Variants in ASAP1 observed in about 807,000 individuals in gnomAD.
ASAP1 encodes ArfGAP with SH3 domain, ankyrin repeat and PH domain 1.
In ASAP1, 43 loss-of-function variants were observed where a neutral mutation model predicts 145.2. The ratio of observed to expected loss-of-function variants is 0.30; its 90% CI spans 0.23 to 0.38. ASAP1 has a LOEUF of 0.38. Among genes scored for constraint, ASAP1 ranks in the 10% least tolerant of loss-of-function variants. The pLI, the probability that ASAP1 is intolerant of heterozygous loss-of-function variation, is 1.00. For missense variants in ASAP1, 1,018 were observed against 1,355.3 expected, an observed-to-expected ratio of 0.75 and a Z score of 3.91; for synonymous variants, 546 against 515.5, an observed-to-expected ratio of 1.06 and a Z score of -0.80.
chr8:130,343,430 C>T (rs1241316648), intron 3 of ASAP1, among the ~76,000 whole-genome samples: 1 of 152,204 alleles, frequency 6.6e-6, no homozygotes, highest in East Asian at 1.9e-4. Context: ...AATGCACCAA[C>T]ACACACAAGG....
At chr8:130,055,148 G>A (rs147918109) in intron 29 of ASAP1, among the ~76,000 whole-genome samples, 35 of 152,272 alleles carry the variant, frequency 2.3e-4, no homozygotes, top group African/African-American at 6.5e-4. Flanking sequence ...TCCCACAGGC[G>A]TGGGGCTCTA....
chr8:130,428,010 C>T (rs1264397369), intron 1 of ASAP1, among the ~76,000 whole-genome samples: 3 of 152,150 alleles, frequency 2.0e-5, no homozygotes, highest in Admixed American at 6.5e-5. Flanking sequence ...ACCACATCAA[C>T]CTCTTCTCCA....
intron 3 of ASAP1, among the ~76,000 whole-genome samples, chr8:130,308,957 C>T (rs141424058): frequency 6.6e-6 from 1 of 152,236 alleles, no homozygotes; most frequent in African/African-American, 2.4e-5. Context: ...ACAACTATCA[C>T]GGGCAGTTGA....
chr8:130,183,605 G>A (rs1262216795), intron 7 of ASAP1, among the ~76,000 whole-genome samples: 1 of 152,122 alleles, frequency 6.6e-6, no homozygotes, highest in East Asian at 1.9e-4. Context: ...GTTTCCCAAA[G>A]TGCTGGGACC....
At chr8:130,175,977 T>C (rs1813922893) in intron 9 of ASAP1, among the ~76,000 whole-genome samples, 1 of 152,180 alleles carries the variant, frequency 6.6e-6, no homozygotes, top group South Asian at 2.1e-4. Flanking sequence ...ATGACACTTG[T>C]GAGGAGGTAA....
In ASAP1 at chr8:130,256,403, G is replaced by GT. The variant is rs1420849359; in HGVS notation, c.187-19410_187-19409insA. ...GGGGAATACATCTGCAGAGGATCTG[G>GT]GGGGTGGGGGGCGGTGGGGGAACTT... On this transcript the variant is annotated intron_variant, in intron 3 of 29. Coordinates refer to ENST00000518721, the MANE Select transcript of ASAP1 (RefSeq NM_018482.4). Among the ~76,000 whole-genome samples, 448 of 151,420 alleles carry GT rather than the reference G, an allele frequency of 3.0e-3. 3 individuals are homozygous for GT. Among genetic ancestry groups the GT allele is most frequent in the African/African-American group, 9.2e-3 (379 of 41,186 alleles).
intron 3 of ASAP1, among the ~76,000 whole-genome samples, chr8:130,319,373 C>T (rs530785983): frequency 4.6e-4 from 70 of 152,302 alleles, no homozygotes; most frequent in Non-Finnish European, 7.6e-4. Flanking sequence ...GACAGACTGT[C>T]GTATTAGTGA....
chr8:130,066,562 C>CTTTCTTTCTTT (rs1480181870), intron 27 of ASAP1, among the ~76,000 whole-genome samples: 1 of 151,434 alleles, frequency 6.6e-6, no homozygotes, highest in African/African-American at 2.4e-5. Context: ...CTTTCTCATT[C>CTTTCTTTCTTT]TTTCTTTCTT....
At chr8:130,105,105 T>C (rs924600243) in intron 24 of ASAP1, among the ~76,000 whole-genome samples, 1 of 152,202 alleles carries the variant, frequency 6.6e-6, no homozygotes, top group African/African-American at 2.4e-5. Flanking sequence ...TGTTTTAAAA[T>C]ATGTATACAG....
chr8:130,122,018 T>C (rs562938795), intron 18 of ASAP1, among the ~76,000 whole-genome samples: 1 of 152,120 alleles, frequency 6.6e-6, no homozygotes, highest in South Asian at 2.1e-4. Flanking sequence ...AAATATGCCT[T>C]ACTGCCCCTT....
chr8:130,359,918 CG>C (rs1208780306), intron 2 of ASAP1, among the ~76,000 whole-genome samples: 1 of 152,246 alleles, frequency 6.6e-6, no homozygotes, highest in African/African-American at 2.4e-5. Flanking sequence ...CCACCGCGCC[CG>C]GCCCATCTTG....
intron 5 of ASAP1, among the ~76,000 whole-genome samples, chr8:130,190,372 A>T (rs1815055744): frequency 6.6e-6 from 1 of 151,996 alleles, no homozygotes; most frequent in African/African-American, 2.4e-5. Context: ...CTAAATATGG[A>T]TATCCAATTT....
intron 24 of ASAP1, among the ~76,000 whole-genome samples, chr8:130,097,762 ACTCT>A (rs35496476): frequency 6.6e-6 from 1 of 151,600 alleles, no homozygotes; most frequent in Admixed American, 6.6e-5. Context: ...ATCTCCTGAG[ACTCT>A]CTCCCAGGAA....
intron 4 of ASAP1, among the ~76,000 whole-genome samples, chr8:130,232,691 A>C (rs990053423): frequency 6.6e-6 from 1 of 152,188 alleles, no homozygotes; most frequent in Non-Finnish European, 1.5e-5. Flanking sequence ...TTTATGTGTA[A>C]AAATAATACA....
Position 130,274,152 on chromosome 8 carries a change from T to C in ASAP1, c.187-37158A>G, listed in dbSNP as rs118184990. ...ATTTTTCATTCTTCTCATACTAATG[T>C]ATACCTCCCTGCCTGCATTGCTTTC... On this transcript the variant is annotated intron_variant, in intron 3 of 29. Transcript: ENST00000518721. Among the ~76,000 whole-genome samples the C allele has an allele frequency of 5.8e-3, 877 of 152,298 alleles. 6 individuals carry two copies. The highest frequency in any genetic ancestry group is 9.2e-3 in the Non-Finnish European group (628 of 68,024).
chr8:130,216,168 C>T (rs1453057505), intron 4 of ASAP1, among the ~76,000 whole-genome samples: 2 of 152,122 alleles, frequency 1.3e-5, no homozygotes, highest in Non-Finnish European at 2.9e-5. Context: ...ATTCATGTGT[C>T]CTAACAGGTT....
At chr8:130,247,172 G>C (rs1396511791) in intron 3 of ASAP1, 2 of 152,106 alleles carry the variant, frequency 1.3e-5, no homozygotes, top group African/African-American at 4.8e-5. Flanking sequence ...ATAATACCTG[G>C]CACAGACATG....
chr8:130,348,187 G>A (rs1825804390), intron 3 of ASAP1, among the ~76,000 whole-genome samples: 2 of 152,182 alleles, frequency 1.3e-5, no homozygotes, highest in Non-Finnish European at 2.9e-5. Flanking sequence ...GAAATGCAAG[G>A]TATCCAGGCT....
intron 3 of ASAP1, among the ~76,000 whole-genome samples, chr8:130,324,164 C>T (rs954026914): frequency 4.6e-5 from 7 of 152,326 alleles, no homozygotes; most frequent in Admixed American, 1.3e-4. Context: ...AAGATCTGGA[C>T]GGTTCTGGCA....
Sources: gnomAD v4.1 joint callset for allele counts (sites outside exome capture counted in the v4.1 genomes callset) on GRCh38, gnomAD v4.1.1 for gene constraint, MANE v1.5 for transcripts, NCBI Gene and HGNC (gene_info 2026-07-23, HGNC 2026-07-21) for gene names.